Variants in RERG observed in about 807,000 individuals in gnomAD.
The protein encoded by RERG is ras-related and estrogen-regulated growth inhibitor.
A neutral mutation model predicts 23.2 loss-of-function variants in RERG; 25 were observed. The observed-to-expected ratio is 1.08, with a 90% CI of 0.79 to 1.50. The LOEUF (loss-of-function observed/expected upper bound fraction) is 1.50, where lower values mean the gene tolerates loss of function less well. Among genes scored for constraint, RERG ranks in the 40% most tolerant of loss-of-function variants. RERG has a pLI of 0.00. For synonymous variants in RERG, 81 were observed against 89.1 expected, an observed-to-expected ratio of 0.91 and a Z score of 0.51; for missense variants, 253 against 250.1, an observed-to-expected ratio of 1.01 and a Z score of -0.08.
chr12:15,144,794 G>A (rs1369720259), intron 2 of RERG, among the ~76,000 whole-genome samples: 1 of 152,118 alleles, frequency 6.6e-6, no homozygotes, highest in Admixed American at 6.6e-5. Context: ...GTCATCATTT[G>A]GTCTGAAGAT....
intron 2 of RERG, among the ~76,000 whole-genome samples, chr12:15,175,828 T>G (rs531829190): frequency 6.6e-6 from 1 of 152,232 alleles, no homozygotes; most frequent in East Asian, 1.9e-4. Context: ...TCTGTGGAGT[T>G]ACAAACCCCA....
At chr12:15,197,536 C>T (rs1865161428) in intron 2 of RERG, among the ~76,000 whole-genome samples, 1 of 152,116 alleles carries the variant, frequency 6.6e-6, no homozygotes, top group African/African-American at 2.4e-5. Context: ...CCTCAATTTC[C>T]TCATCAATAA....
intron 2 of RERG, chr12:15,138,256 T>G (rs1297575759): frequency 6.1e-6 from 1 of 164,330 alleles, no homozygotes; most frequent in African/African-American, 2.4e-5. Flanking sequence ...AATACTTCTC[T>G]TATTTCCTAT....
intron 2 of RERG, among the ~76,000 whole-genome samples, chr12:15,133,040 A>C (rs552929440): frequency 6.2e-4 from 80 of 128,468 alleles, no homozygotes; most frequent in African/African-American, 2.2e-3. Flanking sequence ...TAGTGTGGTA[A>C]CTTTTTTTTT....
intron 2 of RERG, among the ~76,000 whole-genome samples, chr12:15,173,325 A>G (rs1271846536): frequency 6.6e-6 from 1 of 151,968 alleles, no homozygotes; most frequent in Non-Finnish European, 1.5e-5. Flanking sequence ...CTGTTGATCT[A>G]TATACCTATC....
chr12:15,166,543 A>G (rs987800888), intron 2 of RERG, among the ~76,000 whole-genome samples: 57 of 113,856 alleles, frequency 5.0e-4, no homozygotes, highest in Admixed American at 1.1e-3. Flanking sequence ...TGGTGGTGGT[A>G]GTGGTGTTGG....
At chr12:15,143,370 T>A (rs1479974072) in intron 2 of RERG, among the ~76,000 whole-genome samples, 1 of 151,418 alleles carries the variant, frequency 6.6e-6, no homozygotes, top group Admixed American at 6.6e-5. Context: ...ACATATAATA[T>A]ATACACACAT....
At chr12:15,145,367 G>C (rs1864314349) in intron 2 of RERG, among the ~76,000 whole-genome samples, 1 of 152,214 alleles carries the variant, frequency 6.6e-6, no homozygotes, top group Non-Finnish European at 1.5e-5. Flanking sequence ...TGGAACAAGG[G>C]GAACTTCTCC....
chr12:15,206,322 A>G (rs1865289428), intron 2 of RERG, among the ~76,000 whole-genome samples: 1 of 152,086 alleles, frequency 6.6e-6, no homozygotes, highest in South Asian at 2.1e-4. Context: ...CTTCTCACTA[A>G]AATGTTAACT....
At chr12:15,178,201 A>C (rs967415848) in intron 2 of RERG, among the ~76,000 whole-genome samples, 1 of 152,198 alleles carries the variant, frequency 6.6e-6, no homozygotes, top group Non-Finnish European at 1.5e-5. Flanking sequence ...CTTCAAGAGT[A>C]GCTCTAAGCT....
At chr12:15,128,675 G>A (rs1289335592) in intron 2 of RERG, among the ~76,000 whole-genome samples, 1 of 152,198 alleles carries the variant, frequency 6.6e-6, no homozygotes, top group Non-Finnish European at 1.5e-5. Flanking sequence ...AGGGAGCAAA[G>A]CTTGTGTTTT....
intron 2 of RERG, among the ~76,000 whole-genome samples, chr12:15,176,645 A>G (rs1864855029): frequency 6.6e-6 from 1 of 152,192 alleles, no homozygotes; most frequent in Non-Finnish European, 1.5e-5. Flanking sequence ...ATAAATGCTG[A>G]ACAGGTTGGT....
intron 2 of RERG, among the ~76,000 whole-genome samples, chr12:15,202,666 C>T (rs761099512): frequency 6.6e-6 from 1 of 151,622 alleles, no homozygotes; most frequent in Non-Finnish European, 1.5e-5. Context: ...TTACATATAT[C>T]CACTCCACAT....
intron 2 of RERG, among the ~76,000 whole-genome samples, chr12:15,171,373 C>T (rs74068748): frequency 6.6e-6 from 1 of 152,114 alleles, no homozygotes; most frequent in Non-Finnish European, 1.5e-5. Flanking sequence ...TTAATTAACA[C>T]AAGGTGAGTT....
intron 3 of RERG, among the ~76,000 whole-genome samples, chr12:15,117,675 G>GCACACACACA (rs3084648): frequency 6.9e-6 from 1 of 145,020 alleles, no homozygotes; most frequent in Non-Finnish European, 1.5e-5. Flanking sequence ...TCACACACGC[G>GCACACACACA]CACACACACA....
intron 2 of RERG, among the ~76,000 whole-genome samples, chr12:15,167,785 A>C (rs1591655792): frequency 6.6e-6 from 1 of 152,126 alleles, no homozygotes; most frequent in East Asian, 1.9e-4. Context: ...TAATAAAGAC[A>C]AAAAAATCAT....
intron 2 of RERG, among the ~76,000 whole-genome samples, chr12:15,129,906 T>C (rs964676215): frequency 2.0e-5 from 3 of 152,120 alleles, no homozygotes; most frequent in Non-Finnish European, 4.4e-5. Context: ...CATTCATTGA[T>C]TATAAATGGA....
intron 2 of RERG, chr12:15,154,212 A>G (rs1356049303): frequency 1.3e-5 from 2 of 152,164 alleles, no homozygotes; most frequent in East Asian, 3.9e-4. Context: ...ATATATTCTG[A>G]ATCCTTGTCT....
intron 1 of RERG, among the ~76,000 whole-genome samples, chr12:15,218,536 G>A (rs550141693): frequency 2.0e-5 from 3 of 152,250 alleles, no homozygotes; most frequent in East Asian, 3.9e-4. Flanking sequence ...GGTATGAAAG[G>A]TGGGCTCATT....
Sources: gnomAD v4.1 joint callset for allele counts (sites outside exome capture counted in the v4.1 genomes callset) on GRCh38, gnomAD v4.1.1 for gene constraint, MANE v1.5 for transcripts, NCBI Gene and HGNC (gene_info 2026-07-23, HGNC 2026-07-21) for gene names.